The following AOAH variants were observed in gnomAD, a reference collection of about 807,000 sequenced individuals.
The protein encoded by AOAH is acyloxyacyl hydrolase.
AOAH carries 64 observed loss-of-function variants against 92.2 expected under a neutral mutation model. The ratio of observed to expected loss-of-function variants is 0.69; its 90% CI spans 0.57 to 0.86. The LOEUF (loss-of-function observed/expected upper bound fraction) is 0.86. AOAH is among the 40% of genes least tolerant of loss of function. The pLI is 0.00. For missense variants in AOAH, 656 were observed against 694.6 expected (o/e 0.94, Z 0.62); for synonymous variants, 263 against 254.5 (o/e 1.03, Z -0.32).
chr7:36,621,841 G>A (rs1792305258), intron 7 of AOAH, 61 bp from the exon 8 acceptor site: 1 of 1,491,656 alleles, frequency 6.7e-7, no homozygotes, highest in African/African-American at 1.4e-5. Flanking sequence ...CCACGAGGAA[G>A]GCTAATCAGA....
chr7:36,603,915 C>T (rs1425758576), intron 11 of AOAH, among the ~76,000 whole-genome samples: 4 of 152,324 alleles, frequency 2.6e-5, no homozygotes, highest in Middle Eastern at 3.4e-3. Flanking sequence ...GCTATATTTT[C>T]TCTGTCTATA....
intron 11 of AOAH, among the ~76,000 whole-genome samples, chr7:36,601,642 G>C (rs139726057): frequency 6.6e-6 from 1 of 152,172 alleles, no homozygotes; most frequent in South Asian, 2.1e-4. Context: ...TATGCATGAC[G>C]TTTAGACTTG....
chr7:36,564,109 T>C (rs982628392), intron 13 of AOAH, among the ~76,000 whole-genome samples: 1 of 152,184 alleles, frequency 6.6e-6, no homozygotes, highest in Admixed American at 6.5e-5. Flanking sequence ...CCAACTTCTC[T>C]CTCCCTCTTC....
intron 16 of AOAH, among the ~76,000 whole-genome samples, chr7:36,536,136 T>A (rs10265886): frequency 0.97 from 148,329 of 152,208 alleles, 72,406 homozygotes; most frequent in East Asian, 1. Flanking sequence ...CCTCTGAGTG[T>A]CCTGCTGCGT....
intron 1 of AOAH, among the ~76,000 whole-genome samples, chr7:36,722,098 C>G (rs1799662998): frequency 6.6e-6 from 1 of 152,158 alleles, no homozygotes; most frequent in Non-Finnish European, 1.5e-5. Flanking sequence ...TCCATCAATC[C>G]ACCATCCGAA....
At chr7:36,638,797 A>C (rs1793695045) in intron 4 of AOAH, among the ~76,000 whole-genome samples, 1 of 152,216 alleles carries the variant, frequency 6.6e-6, no homozygotes, top group Admixed American at 6.5e-5. Flanking sequence ...ACTCAAGAGG[A>C]AAAGATGCTC....
chr7:36,593,615 T>C (rs1562600845), intron 12 of AOAH, among the ~76,000 whole-genome samples: 1 of 152,348 alleles, frequency 6.6e-6, no homozygotes, highest in East Asian at 1.9e-4. Flanking sequence ...CCATCTTCCT[T>C]GTGCCTATTA....
intron 16 of AOAH, among the ~76,000 whole-genome samples, chr7:36,537,506 G>GTTTTTTTTTTTTTTTTTTTTT (rs67918250): frequency 7.4e-6 from 1 of 134,802 alleles, no homozygotes; most frequent in Non-Finnish European, 1.6e-5. Flanking sequence ...CACCCCTCTT[G>GTTTTTTTTTTTTTTTTTTTTT]TTTTTTTTTT....
intron 1 of AOAH, among the ~76,000 whole-genome samples, chr7:36,723,340 A>G (rs539188698): frequency 6.6e-6 from 1 of 152,094 alleles, no homozygotes; most frequent in Non-Finnish European, 1.5e-5. Flanking sequence ...TCATCCAAAA[A>G]AAACAAACAA....
intron 16 of AOAH, among the ~76,000 whole-genome samples, chr7:36,536,169 G>A (rs1562544704): frequency 6.6e-6 from 1 of 152,162 alleles, no homozygotes; most frequent in Non-Finnish European, 1.5e-5. Context: ...ATCTAACCCT[G>A]CCTTCACTGG....
At chr7:36,616,955 G>T (rs1225658966) in intron 10 of AOAH, among the ~76,000 whole-genome samples, 1 of 152,184 alleles carries the variant, frequency 6.6e-6, no homozygotes, top group African/African-American at 2.4e-5. Context: ...GATTCTGACT[G>T]ATGGAGACAC....
At chr7:36,670,651 T>C (rs2116628799) in intron 3 of AOAH, among the ~76,000 whole-genome samples, 1 of 152,230 alleles carries the variant, frequency 6.6e-6, no homozygotes, top group East Asian at 1.9e-4. Context: ...ATTTTTTTTG[T>C]ATTTTAGTAG....
chr7:36,588,547 G>C (rs189362064), intron 12 of AOAH, among the ~76,000 whole-genome samples: 2 of 152,170 alleles, frequency 1.3e-5, no homozygotes, highest in Non-Finnish European at 2.9e-5. Flanking sequence ...ATTTAATAAG[G>C]TTATTAGGCC....
intron 19 of AOAH, among the ~76,000 whole-genome samples, chr7:36,527,206 T>C (rs1271880833): frequency 6.6e-6 from 1 of 152,202 alleles, no homozygotes; most frequent in Non-Finnish European, 1.5e-5. Context: ...GGACTGAGGC[T>C]GTCAGGGTGG....
At chr7:36,671,139 G>A (rs1466171605) in intron 3 of AOAH, among the ~76,000 whole-genome samples, 4 of 152,086 alleles carry the variant, frequency 2.6e-5, no homozygotes, top group African/African-American at 4.8e-5. Flanking sequence ...GACGAAAAGG[G>A]TTTCTTTTTT....
chr7:36,597,601 A>T (rs2115584167), intron 11 of AOAH, among the ~76,000 whole-genome samples: 1 of 152,282 alleles, frequency 6.6e-6, no homozygotes, highest in South Asian at 2.1e-4. Flanking sequence ...AACTTACAAG[A>T]ATGATATGGT....
At chr7:36,575,055 G>C (rs1788389968) in intron 13 of AOAH, among the ~76,000 whole-genome samples, 2 of 151,816 alleles carry the variant, frequency 1.3e-5, no homozygotes, top group Non-Finnish European at 2.9e-5. Context: ...ATTGACAGAG[G>C]GTATTTGACA....
chr7:36,627,288 G>A (rs1053173319), intron 6 of AOAH, among the ~76,000 whole-genome samples: 3 of 152,172 alleles, frequency 2.0e-5, no homozygotes, highest in African/African-American at 7.2e-5. Flanking sequence ...TGATCTTAAG[G>A]TGAAAGCTAA....
intron 1 of AOAH, among the ~76,000 whole-genome samples, 197 bp from the exon 2 acceptor site, chr7:36,686,991 T>C (rs1275652163): frequency 6.6e-6 from 1 of 152,150 alleles, no homozygotes; most frequent in African/African-American, 2.4e-5. Flanking sequence ...AGAAGCTCAA[T>C]AGATATTAGC....
Sources: gnomAD v4.1 joint callset for allele counts (sites outside exome capture counted in the v4.1 genomes callset) on GRCh38, gnomAD v4.1.1 for gene constraint, MANE v1.5 for transcripts, NCBI Gene and HGNC (gene_info 2026-07-23, HGNC 2026-07-21) for gene names.